Variants in LMBR1 observed in about 807,000 individuals in gnomAD.
The protein encoded by LMBR1 is limb development membrane protein 1.
A neutral mutation model predicts 73.9 loss-of-function variants in LMBR1; 52 were observed. That is an observed-to-expected ratio of 0.70 (90% confidence interval 0.56 to 0.89). The LOEUF (loss-of-function observed/expected upper bound fraction) is 0.89. LMBR1 is among the 40% of genes least tolerant of loss of function. The pLI, the probability that LMBR1 is intolerant of heterozygous loss-of-function variation, is 0.00. For missense variants in LMBR1, 539 were observed against 579.8 expected (o/e 0.93, Z 0.72); for synonymous variants, 215 against 209.4 (o/e 1.03, Z -0.23).
chr7:156,829,288 G>C (rs1836246754), intron 3 of LMBR1, among the ~76,000 whole-genome samples: 1 of 152,182 alleles, frequency 6.6e-6, no homozygotes, highest in African/African-American at 2.4e-5. Flanking sequence ...ACAGTGATAT[G>C]GTTTGGATAT....
intron 9 of LMBR1, among the ~76,000 whole-genome samples, chr7:156,743,230 C>T (rs1819233030): frequency 2.6e-5 from 4 of 152,070 alleles, no homozygotes; most frequent in South Asian, 2.1e-4. Flanking sequence ...ATAAATCAAG[C>T]ACAAATGACT....
At chr7:156,752,049 A>G (rs1820999162) in intron 9 of LMBR1, among the ~76,000 whole-genome samples, 1 of 152,238 alleles carries the variant, frequency 6.6e-6, no homozygotes, top group African/African-American at 2.4e-5. Context: ...ATAGACACAG[A>G]AAAGCCAGAA....
chr7:156,821,183 T>G (rs989631178), intron 4 of LMBR1, among the ~76,000 whole-genome samples: 1 of 152,206 alleles, frequency 6.6e-6, no homozygotes, highest in Non-Finnish European at 1.5e-5. Flanking sequence ...AAGTGGTACA[T>G]GTCTGGGCCT....
intron 5 of LMBR1, among the ~76,000 whole-genome samples, chr7:156,782,817 T>C (rs1415664225): frequency 6.6e-6 from 1 of 152,222 alleles, no homozygotes; most frequent in Admixed American, 6.5e-5. Context: ...AATGGAGGGA[T>C]TACAGGAATG....
rs909110946 is a variant in LMBR1, at chr7:156,893,148, C to G, written c.-155G>C. 3.1e-6 allele frequency: 2 copies of G among 641,662 alleles called. No individual in the cohort carries two copies. Among genetic ancestry groups the G allele is most frequent in the Non-Finnish European group, 4.5e-6 (2 of 442,624 alleles). 39.7% of individuals were successfully genotyped at this position (641,662 alleles called of 1,614,324 possible). A position where few individuals can be genotyped will look rare whatever the true frequency, so the allele number is the denominator to read the frequency against. On this transcript the variant is annotated 5_prime_UTR_variant, in exon 1 of 17. Transcript: ENST00000353442. The stretch of plus-strand genomic sequence containing the variant: ...CAGGTACCGCGACCACGACACCGGC[C>G]GTCGCCTCAGCAGCCTCAGACGAGC...
chr7:156,737,914 C>T lies in LMBR1; in HGVS notation c.758-3657G>A, dbSNP rs975929616. 5.9e-5 allele frequency among the ~76,000 whole-genome samples: 9 copies of T among 152,074 alleles called. No individual in the cohort carries two copies. In the South Asian group the frequency reaches 6.2e-4, roughly 11 times the overall value. On this transcript the variant is annotated intron_variant, in intron 9 of 16. Transcript: ENST00000353442. ...ATTTAAGACTGAAGCAGTAGGAGGGCGGAGCAAGATGACCAAATAGAAGCC... is the reference window on the plus strand; with the variant it reads ...ATTTAAGACTGAAGCAGTAGGAGGGTGGAGCAAGATGACCAAATAGAAGCC...
At position 156,840,077 on chromosome 7, in the gene LMBR1, A is replaced by C. The variant is rs147483060; in HGVS notation, c.67-3192T>G. The stretch of plus-strand genomic sequence containing the variant: ...GTCAGAGAGATTCGATGACCAAGGG[A>C]ATTAATATTTAGGACAGAGGCTGAT... On this transcript the variant is annotated intron_variant, in intron 1 of 16. Transcript: ENST00000353442. 1.2e-4 allele frequency among the ~76,000 whole-genome samples: 19 copies of C among 152,278 alleles called. No homozygotes were observed. In the East Asian group the frequency reaches 3.5e-3, roughly 28 times the overall value.
At chr7:156,713,590 T>C (rs1812563320) in intron 15 of LMBR1, among the ~76,000 whole-genome samples, 1 of 150,702 alleles carries the variant, frequency 6.6e-6, no homozygotes, top group South Asian at 2.1e-4. Flanking sequence ...AAAAGGCAAA[T>C]GAGTGGCTGC....
chr7:156,720,745 T>A (rs1585368874), intron 15 of LMBR1, among the ~76,000 whole-genome samples: 1 of 151,824 alleles, frequency 6.6e-6, no homozygotes, highest in East Asian at 1.9e-4. Context: ...TAAAATCATA[T>A]ATACTTTTTG....
chr7:156,832,477 T>G (rs545728320), intron 3 of LMBR1, among the ~76,000 whole-genome samples: 1 of 152,282 alleles, frequency 6.6e-6, no homozygotes, highest in South Asian at 2.1e-4. Context: ...CTCCTCTCCC[T>G]CAGCTCCTTG....
intron 1 of LMBR1, among the ~76,000 whole-genome samples, chr7:156,887,511 A>C (rs1048392165): frequency 6.6e-6 from 1 of 151,932 alleles, no homozygotes; most frequent in Non-Finnish European, 1.5e-5. Flanking sequence ...GTACAAAAAA[A>C]TTAATTCAAA....
At chr7:156,689,093 TA>T (rs1160380543) in intron 15 of LMBR1, among the ~76,000 whole-genome samples, 6 of 152,288 alleles carry the variant, frequency 3.9e-5, no homozygotes, top group African/African-American at 1.4e-4. Context: ...AAAAATAGTT[TA>T]AATAGTCATT....
At chr7:156,796,085 C>A (rs956454442) in intron 5 of LMBR1, among the ~76,000 whole-genome samples, 5 of 152,060 alleles carry the variant, frequency 3.3e-5, no homozygotes, top group Non-Finnish European at 7.4e-5. Context: ...TTTACTGTCA[C>A]CTTAAACTAA....
intron 15 of LMBR1, among the ~76,000 whole-genome samples, chr7:156,702,667 T>C (rs947245298): frequency 1.3e-5 from 2 of 152,210 alleles, no homozygotes; most frequent in African/African-American, 4.8e-5. Flanking sequence ...TTTTACTTCT[T>C]TTTCACATCT....
chr7:156,750,672 T>C (rs1376659610), intron 9 of LMBR1, among the ~76,000 whole-genome samples: 1 of 152,238 alleles, frequency 6.6e-6, no homozygotes, highest in Non-Finnish European at 1.5e-5. Flanking sequence ...GTTTTTCATC[T>C]ATTAATTTAC....
chr7:156,748,660 T>C lies in LMBR1; in HGVS notation c.757+7733A>G, dbSNP rs552173901. Among the ~76,000 whole-genome samples the C allele has an allele frequency of 5.9e-5, 9 of 152,190 alleles. No individual in the cohort carries two copies. The South Asian group carries it at 1.9e-3, about 32-fold the overall frequency. ...CATGCCACCACGCCCAGCTAATTTTTGTATTTTTAGTAGAGACGGTGTTTC... is the reference window on the plus strand; with the variant it reads ...CATGCCACCACGCCCAGCTAATTTTCGTATTTTTAGTAGAGACGGTGTTTC... On this transcript the variant is annotated intron_variant, in intron 9 of 16. Transcript: ENST00000353442.
At chr7:156,892,012 CAT>C (rs776287502) in intron 1 of LMBR1, among the ~76,000 whole-genome samples, 1 of 152,122 alleles carries the variant, frequency 6.6e-6, no homozygotes. Flanking sequence ...AAAAAATTGA[CAT>C]ATTTTACAAC....
rs144155349 is a variant in LMBR1 at position 156,848,759 on chromosome 7, C to T, written c.67-11874G>A. On this transcript the variant is annotated intron_variant, in intron 1 of 16. Transcript: ENST00000353442. ...ACAACCTGGGATCATGGTGAAACCCCGTCTCTACTAAAAATACAAAGATTA... is the reference window on the plus strand; with the variant it reads ...ACAACCTGGGATCATGGTGAAACCCTGTCTCTACTAAAAATACAAAGATTA... Among the ~76,000 whole-genome samples, 210 of 151,980 alleles carry T rather than the reference C, an allele frequency of 1.4e-3. 2 individuals carry two copies. Among genetic ancestry groups the T allele is most frequent in the African/African-American group, 5.0e-3 (209 of 41,430 alleles).
chr7:156,690,521 C>T (rs1298587032), intron 15 of LMBR1, among the ~76,000 whole-genome samples: 1 of 152,138 alleles, frequency 6.6e-6, no homozygotes, highest in East Asian at 1.9e-4. Context: ...GTATGTTTTG[C>T]AAAACGGGAA....
Sources: gnomAD v4.1 joint callset for allele counts (sites outside exome capture counted in the v4.1 genomes callset) on GRCh38, gnomAD v4.1.1 for gene constraint, MANE v1.5 for transcripts, NCBI Gene and HGNC (gene_info 2026-07-23, HGNC 2026-07-21) for gene names.